Variants in TYW1 observed in about 807,000 individuals in gnomAD.
The protein encoded by TYW1 is S-adenosyl-L-methionine-dependent tRNA 4-demethylwyosine synthase TYW1.
Under a neutral mutation model 96.2 loss-of-function variants are expected in TYW1, and 46 were observed. That is an observed-to-expected ratio of 0.48 (90% CI 0.38 to 0.61). TYW1 has a LOEUF of 0.61. Among genes scored for constraint, TYW1 ranks in the 20% least tolerant of loss-of-function variants. TYW1 has a pLI of 0.00. For missense variants in TYW1, 684 were observed against 909.6 expected (o/e 0.75, Z 3.19); for synonymous variants, 274 against 323.0 (o/e 0.85, Z 1.63).
chr7:67,019,365 T>G (rs1794149865), intron 6 of TYW1, among the ~76,000 whole-genome samples: 1 of 94,338 alleles, frequency 1.1e-5, no homozygotes, highest in Non-Finnish European at 2.5e-5. Flanking sequence ...CCAGCTAATT[T>G]TTGTATTTTT....
chr7:67,169,523 C>T (rs1799454047), intron 13 of TYW1, among the ~76,000 whole-genome samples: 1 of 152,144 alleles, frequency 6.6e-6, no homozygotes, highest in Non-Finnish European at 1.5e-5. Context: ...GCCTCAACCT[C>T]CTGAGTAGCT....
intron 13 of TYW1, among the ~76,000 whole-genome samples, chr7:67,165,992 C>T (rs1799309881): frequency 1.3e-5 from 2 of 152,116 alleles, no homozygotes; most frequent in African/African-American, 4.8e-5. Context: ...GTAATCCCAA[C>T]ACTTTGGGAG....
chr7:67,139,160 C>A (rs71563168), intron 13 of TYW1, among the ~76,000 whole-genome samples: 38,669 of 151,980 alleles, frequency 0.25, 5,341 homozygotes, highest in African/African-American at 0.36. Flanking sequence ...TCAAGCAATT[C>A]TCCTGCCTCA....
intron 13 of TYW1, among the ~76,000 whole-genome samples, chr7:67,169,448 T>A (rs1260764173): frequency 6.6e-6 from 1 of 152,158 alleles, no homozygotes; most frequent in Non-Finnish European, 1.5e-5. Flanking sequence ...TTCCCCAGGC[T>A]GGAGTGCAGT....
rs1216090951 is a variant in TYW1 at position 67,168,871 on chromosome 7, C to T, written c.1699-14255C>T. Among the ~76,000 whole-genome samples the T allele has an allele frequency of 8.5e-5, 13 of 152,168 alleles. No individual in the cohort carries two copies. The East Asian group carries it at 9.7e-4, about 11-fold the overall frequency. On this transcript the variant is annotated intron_variant, in intron 13 of 15. Transcript: ENST00000359626. Reference sequence around the variant, plus strand: ...GGACTACAGGCATGCAACACCATGCCTGGCTAATTTTTGAATTTTTAGTAA... The same window carrying T: ...GGACTACAGGCATGCAACACCATGCTTGGCTAATTTTTGAATTTTTAGTAA...
At chr7:67,092,768 C>T (rs1413688428) in intron 11 of TYW1, among the ~76,000 whole-genome samples, 8 of 146,504 alleles carry the variant, frequency 5.5e-5, no homozygotes, top group Admixed American at 1.4e-4. Context: ...CTGCAACCTC[C>T]GCCTCCTGGG....
intron 10 of TYW1, among the ~76,000 whole-genome samples, 157 bp downstream of exon 10, chr7:67,067,560 A>G (rs1321846213): frequency 6.6e-6 from 1 of 152,150 alleles, no homozygotes; most frequent in Non-Finnish European, 1.5e-5. Flanking sequence ...GTAGACAAAT[A>G]TTTTTGTTTC....
chr7:67,184,733 A>G (rs1174140631), intron 14 of TYW1, among the ~76,000 whole-genome samples: 1 of 148,816 alleles, frequency 6.7e-6, no homozygotes, highest in East Asian at 2.0e-4. Context: ...TTTGAGATGA[A>G]GTCTCGCTCT....
chr7:67,058,799 G>A (rs1795608721), intron 9 of TYW1, among the ~76,000 whole-genome samples: 1 of 151,930 alleles, frequency 6.6e-6, no homozygotes, highest in South Asian at 2.1e-4. Context: ...TAACTTTTAT[G>A]TTTGGGCCTG....
intron 12 of TYW1, among the ~76,000 whole-genome samples, chr7:67,105,890 T>G (rs1797224349): frequency 2.1e-5 from 3 of 140,960 alleles, no homozygotes; most frequent in Admixed American, 1.4e-4. Flanking sequence ...AATATTCTTT[T>G]TTTTTTTTTT....
chr7:67,083,678 AT>A (rs1796451310), intron 11 of TYW1, 139 bp downstream of exon 11: 1 of 922,060 alleles, frequency 1.1e-6, no homozygotes, highest in Non-Finnish European at 1.6e-6. Flanking sequence ...TTGTAGGAAT[AT>A]TATATATATT....
chr7:67,096,386 C>CA (rs2115849262), intron 11 of TYW1, among the ~76,000 whole-genome samples: 1 of 152,068 alleles, frequency 6.6e-6, no homozygotes, highest in African/African-American at 2.4e-5. Context: ...AACTCCATCT[C>CA]AAAAACAAAC....
chr7:67,015,909 GCCGAGATCTCA>G (rs1794004697), intron 5 of TYW1, among the ~76,000 whole-genome samples: 1 of 148,276 alleles, frequency 6.7e-6, no homozygotes, highest in African/African-American at 2.5e-5. Flanking sequence ...CTTGCAGTGA[GCCGAGATCTCA>G]CCACTGCACT....
chr7:67,095,702 CAG>C (rs1312524650), intron 11 of TYW1, among the ~76,000 whole-genome samples: 1,585 of 123,246 alleles, frequency 0.013, 20 homozygotes, highest in African/African-American at 0.045. Context: ...ACAACAACAG[CAG>C]CAGCAGCAGC....
intron 15 of TYW1, among the ~76,000 whole-genome samples, chr7:67,210,006 G>A (rs1800945964): frequency 6.6e-6 from 1 of 152,152 alleles, no homozygotes; most frequent in Non-Finnish European, 1.5e-5. Flanking sequence ...TGGTACGTGT[G>A]TTACAATTCG....
At chr7:67,186,913 G>A (rs1215876009) in intron 14 of TYW1, among the ~76,000 whole-genome samples, 1 of 152,096 alleles carries the variant, frequency 6.6e-6, no homozygotes, top group Non-Finnish European at 1.5e-5. Context: ...AAGCTCTGGA[G>A]ATGAAAAATT....
At chr7:67,168,952 T>G (rs957088692) in intron 13 of TYW1, among the ~76,000 whole-genome samples, 3 of 152,052 alleles carry the variant, frequency 2.0e-5, no homozygotes, top group African/African-American at 7.3e-5. Context: ...CCTTAGGTGA[T>G]CCGCCCACCT....
At chr7:67,184,790 C>T (rs759560412) in intron 14 of TYW1, among the ~76,000 whole-genome samples, 3 of 151,550 alleles carry the variant, frequency 2.0e-5, no homozygotes, top group Non-Finnish European at 4.4e-5. Flanking sequence ...TCACTGAAAC[C>T]TCCGCCTCCC....
chr7:67,208,568 T>C (rs1209581700), intron 15 of TYW1, among the ~76,000 whole-genome samples: 3 of 151,702 alleles, frequency 2.0e-5, no homozygotes, highest in African/African-American at 4.9e-5. Context: ...CGCGTGCCTG[T>C]AGTCCCAGCT....
Sources: allele counts gnomAD v4.1 joint callset (sites outside exome capture counted in the v4.1 genomes callset), GRCh38; gene constraint gnomAD v4.1.1; transcripts MANE v1.5; gene names NCBI Gene and HGNC (gene_info 2026-07-23, HGNC 2026-07-21).